The following MEI4 variants were observed in gnomAD, a reference collection of about 807,000 sequenced individuals.
MEI4 encodes the protein meiosis-specific protein MEI4.
A neutral mutation model predicts 31.4 loss-of-function variants in MEI4; 27 were observed. That is an observed-to-expected ratio of 0.86 (90% CI 0.63 to 1.19). The LOEUF (loss-of-function observed/expected upper bound fraction) is 1.19. Ranked by LOEUF, MEI4 falls within the 50% of genes most tolerant of loss-of-function variation. The probability of loss-of-function intolerance (pLI) is 0.00; values close to 1 mark genes in which losing one functional copy is unlikely to be tolerated. For missense variants in MEI4, 329 were observed against 398.9 expected, an observed-to-expected ratio of 0.82 and a Z score of 1.49; for synonymous variants, 122 against 145.4, an observed-to-expected ratio of 0.84 and a Z score of 1.16.
intron 4 of MEI4, 77 bp from the exon 5 acceptor site, chr6:77,923,012 C>A: frequency 1.1e-6 from 1 of 891,280 alleles, no homozygotes; most frequent in Non-Finnish European, 1.5e-6. Flanking sequence ...TTGCCTGAAA[C>A]TCTGATATCT....
intron 2 of MEI4, among the ~76,000 whole-genome samples, chr6:77,708,635 G>A (rs1766385805): frequency 6.6e-6 from 1 of 152,178 alleles, no homozygotes; most frequent in African/African-American, 2.4e-5. Context: ...TGAAGGTGGG[G>A]CCTAGTGGGA....
intron 4 of MEI4, among the ~76,000 whole-genome samples, chr6:77,837,250 G>T (rs1298301769): frequency 6.6e-6 from 1 of 152,188 alleles, no homozygotes; most frequent in South Asian, 2.1e-4. Flanking sequence ...TTTAGAATCA[G>T]ATGTCTAGTT....
intron 4 of MEI4, among the ~76,000 whole-genome samples, chr6:77,877,155 A>T (rs545268305): frequency 3.3e-5 from 5 of 152,304 alleles, no homozygotes; most frequent in African/African-American, 1.2e-4. Flanking sequence ...TTTCACAAAG[A>T]TATAAAAAAC....
intron 4 of MEI4, among the ~76,000 whole-genome samples, chr6:77,870,475 G>T (rs907734727): frequency 6.6e-6 from 1 of 152,200 alleles, no homozygotes; most frequent in Non-Finnish European, 1.5e-5. Context: ...TAGATTAAGT[G>T]ATGTAATATT....
chr6:77,768,195 T>C (rs970002766), intron 3 of MEI4, among the ~76,000 whole-genome samples: 2 of 152,186 alleles, frequency 1.3e-5, no homozygotes, highest in Non-Finnish European at 2.9e-5. Flanking sequence ...AATATTTTCC[T>C]CTTGATATTA....
At chr6:77,775,117 C>A (rs1419453753) in intron 3 of MEI4, among the ~76,000 whole-genome samples, 1 of 136,308 alleles carries the variant, frequency 7.3e-6, no homozygotes, top group Non-Finnish European at 1.5e-5. Context: ...ATTTAGGGAC[C>A]TCCTGGACAA....
At chr6:77,746,665 G>GTGTC (rs1348537766) in intron 2 of MEI4, among the ~76,000 whole-genome samples, 1 of 146,524 alleles carries the variant, frequency 6.8e-6, no homozygotes, top group Admixed American at 7.4e-5. Flanking sequence ...GTGTGTGTGT[G>GTGTC]TGTGTGTGTA....
chr6:77,713,943 T>C (rs1766523132), intron 2 of MEI4, among the ~76,000 whole-genome samples: 1 of 152,158 alleles, frequency 6.6e-6, no homozygotes, highest in South Asian at 2.1e-4. Context: ...GTCTTAAGTG[T>C]TCCCATCATT....
chr6:77,702,961 A>C (rs1327276283), intron 2 of MEI4, among the ~76,000 whole-genome samples: 2 of 151,704 alleles, frequency 1.3e-5, no homozygotes, highest in South Asian at 2.1e-4. Flanking sequence ...TTCACTAACT[A>C]CCTCCCTAGA....
intron 2 of MEI4, among the ~76,000 whole-genome samples, chr6:77,735,094 A>G (rs1356836096): frequency 2.7e-4 from 41 of 151,920 alleles, no homozygotes; most frequent in Non-Finnish European, 1.5e-5. Flanking sequence ...TACTTCGGTG[A>G]ACTGACAATT....
chr6:77,714,103 T>C (rs1423692951), intron 2 of MEI4, among the ~76,000 whole-genome samples: 6 of 152,166 alleles, frequency 3.9e-5, no homozygotes, highest in Admixed American at 2.0e-4. Context: ...CCATGTTGTA[T>C]ATGTACCACA....
chr6:77,862,344 A>G (rs913468197), intron 4 of MEI4, among the ~76,000 whole-genome samples: 1 of 152,222 alleles, frequency 6.6e-6, no homozygotes, highest in African/African-American at 2.4e-5. Context: ...TGAGTGACAG[A>G]CAACACCTGG....
intron 3 of MEI4, among the ~76,000 whole-genome samples, chr6:77,817,004 C>T (rs1164448698): frequency 6.6e-6 from 1 of 151,516 alleles, no homozygotes; most frequent in African/African-American, 2.4e-5. Flanking sequence ...TGTTGGATGA[C>T]ACTATTGTGT....
intron 3 of MEI4, among the ~76,000 whole-genome samples, chr6:77,794,334 C>T (rs58640208): frequency 0.23 from 34,561 of 151,938 alleles, 4,697 homozygotes; most frequent in African/African-American, 0.38. Flanking sequence ...GAGGCCGAGG[C>T]GGGTGGATCA....
chr6:77,920,415 T>C (rs1441304506), intron 4 of MEI4, among the ~76,000 whole-genome samples: 1 of 151,980 alleles, frequency 6.6e-6, no homozygotes, highest in East Asian at 1.9e-4. Flanking sequence ...ATTATCTCAA[T>C]AGATCCACCT....
intron 2 of MEI4, among the ~76,000 whole-genome samples, chr6:77,754,946 A>T (rs1033732895): frequency 6.6e-6 from 1 of 152,182 alleles, no homozygotes; most frequent in African/African-American, 2.4e-5. Context: ...GTTTGAGATG[A>T]GATTTAAATG....
chr6:77,667,420 A>G (rs901326971), intron 1 of MEI4, among the ~76,000 whole-genome samples: 6 of 152,124 alleles, frequency 3.9e-5, no homozygotes, highest in African/African-American at 1.4e-4. Context: ...CCTAAGTACC[A>G]TATACTTCAT....
intron 2 of MEI4, among the ~76,000 whole-genome samples, chr6:77,700,400 T>C (rs1406207764): frequency 6.6e-6 from 1 of 152,246 alleles, no homozygotes; most frequent in East Asian, 1.9e-4. Context: ...TAGCCATGTG[T>C]GGGATATAAT....
chr6:77,765,397 G>C (rs1158344665), intron 3 of MEI4, among the ~76,000 whole-genome samples: 1 of 148,708 alleles, frequency 6.7e-6, no homozygotes, highest in Non-Finnish European at 1.5e-5. Flanking sequence ...AATACCATCA[G>C]CTGATTTTAT....
Sources: gnomAD v4.1 joint callset for allele counts (sites outside exome capture counted in the v4.1 genomes callset) on GRCh38, gnomAD v4.1.1 for gene constraint, MANE v1.5 for transcripts, NCBI Gene and HGNC (gene_info 2026-07-23, HGNC 2026-07-21) for gene names.